Variants in TAMM41 observed in about 807,000 individuals in gnomAD.
The protein encoded by TAMM41 is phosphatidate cytidylyltransferase, mitochondrial.
A neutral mutation model predicts 44.1 loss-of-function variants in TAMM41; 36 were observed. That is an observed-to-expected ratio of 0.82 (90% confidence interval 0.63 to 1.08). The LOEUF is 1.08. Among genes scored for constraint, TAMM41 ranks in the 50% least tolerant of loss-of-function variants. The pLI is 0.00. For synonymous variants in TAMM41, 164 were observed against 153.1 expected (o/e 1.07, Z -0.53); for missense variants, 417 against 404.3 (o/e 1.03, Z -0.27).
chr3:11,754,179 C>A, the TAMM41 span, among the ~76,000 whole-genome samples: 1 of 151,980 alleles, frequency 6.6e-6, no homozygotes, highest in Non-Finnish European at 1.5e-5. Flanking sequence ...GTCTGTATAT[C>A]CTGTGGGTTC....
In TAMM41 at chr3:11,798,284, G is replaced by A. The variant is rs573093417; in HGVS notation, c.938-7703C>T. 5.9e-5 allele frequency among the ~76,000 whole-genome samples: 9 copies of A among 152,280 alleles called. No homozygotes were observed. The East Asian group carries it at 7.7e-4, about 13-fold the overall frequency. On this transcript the variant is annotated intron_variant, in intron 7 of 7. Coordinates refer to ENST00000455809, the MANE Select transcript of TAMM41 (RefSeq NM_001284401.2). ...CAATCGTAGACTGCATAAAGAAAAC[G>A]TGGTACATATACACCATGGAATACT...
Position 11,829,803 on chromosome 3 carries a change from T to C in TAMM41, c.473A>G (p.Lys158Arg). Residue 158 changes from lysine (K) to arginine (R), a missense_variant, in exon 4 of 8, where the codon AAG (lysine) becomes AGG (arginine). Physicochemically the swap from Lys to Arg is conservative, Grantham distance 26 (BLOSUM62 2). Transcript: ENST00000455809. ...GAGGAAAGCAGCGGTCACAGCACTC[T>C]TCAGATTTCTATCGAGGGCTGATCT... Reference protein sequence around the residue: ...TLRSALDRNLKSAVTAAFLML... With the variant: ...TLRSALDRNLRSAVTAAFLML... The C allele has an allele frequency of 6.2e-7, 1 of 1,614,180 alleles. No individual in the cohort carries two copies. Among genetic ancestry groups the C allele is most frequent in the Non-Finnish European group, 8.5e-7 (1 of 1,179,996 alleles).
chr3:11,801,721 T>G (rs1358376266), intron 7 of TAMM41, among the ~76,000 whole-genome samples: 2 of 152,170 alleles, frequency 1.3e-5, no homozygotes, highest in Non-Finnish European at 2.9e-5. Flanking sequence ...TACTAATGTT[T>G]ACAGCATTAC....
intron 7 of TAMM41, among the ~76,000 whole-genome samples, chr3:11,799,970 C>G (rs9870565): frequency 0.56 from 84,736 of 151,990 alleles, 25,406 homozygotes; most frequent in East Asian, 0.77. Context: ...AACCCTGTCA[C>G]CCAAGAATTT....
chr3:11,796,375 A>G (rs1266863365), intron 7 of TAMM41, among the ~76,000 whole-genome samples: 2 of 152,222 alleles, frequency 1.3e-5, no homozygotes, highest in Non-Finnish European at 2.9e-5. Context: ...AAGAGAGAAT[A>G]ACATACCATA....
the TAMM41 span, among the ~76,000 whole-genome samples, chr3:11,752,578 G>A: frequency 7.0e-6 from 1 of 143,516 alleles, no homozygotes; most frequent in Non-Finnish European, 1.5e-5. Context: ...GTCCCCACTC[G>A]ACCCAGGAAG....
At chr3:11,843,894 A>C (rs1418630333) in intron 2 of TAMM41, 135 bp downstream of exon 2, 7 of 862,246 alleles carry the variant, frequency 8.1e-6, no homozygotes, top group Non-Finnish European at 1.2e-5. Flanking sequence ...AAAAACATAC[A>C]TATTTCCCGA....
chr3:11,830,420 G>A (rs1216857863), intron 3 of TAMM41, among the ~76,000 whole-genome samples: 1 of 152,160 alleles, frequency 6.6e-6, no homozygotes, highest in Non-Finnish European at 1.5e-5. Context: ...CTAGCTATGT[G>A]AGTTTGGGCA....
At chr3:11,739,535 G>A in the TAMM41 span, among the ~76,000 whole-genome samples, 1 of 152,132 alleles carries the variant, frequency 6.6e-6, no homozygotes, top group Admixed American at 6.5e-5. Flanking sequence ...GGCTGGGTGC[G>A]GTGGCTCACT....
At position 11,833,132 on chromosome 3, in the gene TAMM41, TGGG is replaced by T; in HGVS notation, c.412-3271_412-3269del. 3 of 1,285,424 alleles carry T rather than the reference TGGG, an allele frequency of 2.3e-6. No individual in the cohort carries two copies. In the South Asian group the frequency reaches 3.7e-5, roughly 16 times the overall value. 79.6% of individuals were successfully genotyped at this position (1,285,424 alleles called of 1,614,324 possible). A position where few individuals can be genotyped will look rare whatever the true frequency, so the allele number is the denominator to read the frequency against. On this transcript the variant is annotated intron_variant, in intron 3 of 7. Coordinates refer to ENST00000455809, the MANE Select transcript of TAMM41 (RefSeq NM_001284401.2). ...TCAGAGTGAAAAGCCAGTGAACTCTTGGGACACTGCCAGAGAGGCCTGGGAAAA... is the reference window on the plus strand; with the variant it reads ...TCAGAGTGAAAAGCCAGTGAACTCTTACACTGCCAGAGAGGCCTGGGAAAA...
At chr3:11,772,364 A>G in the TAMM41 span, among the ~76,000 whole-genome samples, 2 of 151,290 alleles carry the variant, frequency 1.3e-5, no homozygotes, top group African/African-American at 2.4e-5. Flanking sequence ...GGCAGGCGTG[A>G]GCCACCGTGC....
At chr3:11,746,348 C>T in the TAMM41 span, among the ~76,000 whole-genome samples, 1 of 151,548 alleles carries the variant, frequency 6.6e-6, no homozygotes, top group African/African-American at 2.4e-5. Context: ...CCATATGACG[C>T]CAGAAGTGTA....
chr3:11,798,748 G>A (rs1408212412), intron 7 of TAMM41, among the ~76,000 whole-genome samples: 3 of 152,094 alleles, frequency 2.0e-5, no homozygotes, highest in East Asian at 1.9e-4. Context: ...CCAGTCACTC[G>A]GTGCCTGTCA....
At chr3:11,747,884 T>TTTC in the TAMM41 span, among the ~76,000 whole-genome samples, 1 of 151,100 alleles carries the variant, frequency 6.6e-6, no homozygotes, top group Admixed American at 6.6e-5. Context: ...TTTATTTATT[T>TTTC]TTTTTTTTGA....
At chr3:11,799,208 G>A (rs191169633) in intron 7 of TAMM41, among the ~76,000 whole-genome samples, 5 of 151,866 alleles carry the variant, frequency 3.3e-5, no homozygotes, top group South Asian at 2.1e-4. Flanking sequence ...AAAAACAAAC[G>A]TAAAATACAC....
the TAMM41 span, among the ~76,000 whole-genome samples, chr3:11,723,118 A>AAAAAT: frequency 9.9e-5 from 15 of 152,146 alleles, no homozygotes; most frequent in African/African-American, 2.9e-4. Flanking sequence ...GCTGAGTCTC[A>AAAAAT]AAAATAAAAT....
the TAMM41 span, among the ~76,000 whole-genome samples, chr3:11,772,791 G>A: frequency 1.3e-5 from 2 of 152,166 alleles, no homozygotes; most frequent in Non-Finnish European, 2.9e-5. Context: ...TATTCAGGGT[G>A]AGGCACTGTG....
At chr3:11,746,654 T>C in the TAMM41 span, among the ~76,000 whole-genome samples, 1 of 152,124 alleles carries the variant, frequency 6.6e-6, no homozygotes, top group African/African-American at 2.4e-5. Context: ...AATTAATTTA[T>C]TTATTTATTT....
chr3:11,807,348 C>G (rs999536147), intron 7 of TAMM41: 51 of 1,474,338 alleles, frequency 3.5e-5, no homozygotes, highest in Non-Finnish European at 2.9e-5. Flanking sequence ...CTTCTAACCT[C>G]CCATAGAGAG....
Sources: gnomAD v4.1 joint callset for allele counts (sites outside exome capture counted in the v4.1 genomes callset) on GRCh38, gnomAD v4.1.1 for gene constraint, MANE v1.5 for transcripts, NCBI Gene and HGNC (gene_info 2026-07-23, HGNC 2026-07-21) for gene names.